Variants in PGM3 observed in about 807,000 individuals in gnomAD.
PGM3 encodes phosphoacetylglucosamine mutase.
A neutral mutation model predicts 66.2 loss-of-function variants in PGM3; 40 were observed. The ratio of observed to expected loss-of-function variants is 0.60; its 90% CI spans 0.47 to 0.79. The LOEUF is 0.79. Ranked by LOEUF, PGM3 falls within the 30% of genes least tolerant of loss-of-function variation. The pLI is 0.00. For missense variants in PGM3, 537 were observed against 643.4 expected, an observed-to-expected ratio of 0.83 and a Z score of 1.79; for synonymous variants, 191 against 224.2, an observed-to-expected ratio of 0.85 and a Z score of 1.32.
Position 83,168,872 on chromosome 6 carries a change from G to C in PGM3, c.*362C>G. ...GGGGAATGCTGCAAAACATCATCTT[G>C]CTCATGTGATGGTGATGGCAAAGAT... On this transcript the variant is annotated 3_prime_UTR_variant, in exon 13 of 13. Transcript: ENST00000513973. The C allele has an allele frequency of 4.8e-6, 5 of 1,049,572 alleles. No homozygotes were observed. The highest frequency in any genetic ancestry group is 5.8e-6 in the Non-Finnish European group (5 of 867,978). 65.0% of individuals were successfully genotyped at this position (1,049,572 alleles called of 1,614,324 possible).
intron 11 of PGM3, chr6:83,171,321 A>G (rs550925034): frequency 1.3e-5 from 2 of 152,224 alleles, no homozygotes; most frequent in African/African-American, 4.8e-5. Context: ...ATCTATTTTT[A>G]ATTTTCCATA....
chr6:83,180,969 G>A (rs1214866378), intron 6 of PGM3, among the ~76,000 whole-genome samples: 1 of 152,204 alleles, frequency 6.6e-6, no homozygotes, highest in East Asian at 1.9e-4. Flanking sequence ...TTGGTAAAGA[G>A]ATGCTAGAGA....
rs577111191 is a variant in PGM3 at position 83,172,567 on chromosome 6, G to A, written c.1243-508C>T. Among the ~76,000 whole-genome samples, 18 of 152,222 alleles carry A rather than the reference G, an allele frequency of 1.2e-4. No homozygotes were observed. In the South Asian group the frequency reaches 2.7e-3, roughly 23 times the overall value. ...CCATCTACTCGGGAGGCTGAGGCAGGAGAATTGCTTGAGCCCGGGAGGCAG... is the reference window on the plus strand; with the variant it reads ...CCATCTACTCGGGAGGCTGAGGCAGAAGAATTGCTTGAGCCCGGGAGGCAG... On this transcript the variant is annotated intron_variant, in intron 10 of 12. Transcript: ENST00000513973.
intron 11 of PGM3, among the ~76,000 whole-genome samples, 174 bp downstream of exon 11, chr6:83,171,763 A>G (rs1365316522): frequency 2.6e-5 from 4 of 152,266 alleles, no homozygotes; most frequent in Admixed American, 2.6e-4. Context: ...CTGGGATTAA[A>G]GGCATGAGCC....
At chr6:83,156,113 G>A in the PGM3 span, 6 of 1,595,390 alleles carry the variant, frequency 3.8e-6, no homozygotes, top group South Asian at 4.6e-5. Flanking sequence ...GGTAAAAAAT[G>A]AAAAACCCTT....
At chr6:83,192,768 C>A (rs985108238) in intron 1 of PGM3, among the ~76,000 whole-genome samples, 2 of 152,094 alleles carry the variant, frequency 1.3e-5, no homozygotes, top group Admixed American at 1.3e-4. Context: ...CAACTACTTT[C>A]AATGCCTCTG....
chr6:83,193,661 G>A (rs1379111790), upstream of PGM3, among the ~76,000 whole-genome samples: 1 of 152,192 alleles, frequency 6.6e-6, no homozygotes, highest in Non-Finnish European at 1.5e-5. Flanking sequence ...CTCGCCCACA[G>A]TGAGCGCCGC....
At chr6:83,160,358 G>A (rs753756883), downstream of PGM3, among the ~76,000 whole-genome samples, 3 of 152,234 alleles carry the variant, frequency 2.0e-5, no homozygotes, top group Non-Finnish European at 4.4e-5. Flanking sequence ...TGACAGCTGG[G>A]AGAGTGAAGA....
At chr6:83,151,914 G>A in the PGM3 span, 5 of 1,613,350 alleles carry the variant, frequency 3.1e-6, no homozygotes, top group Non-Finnish European at 4.2e-6. Flanking sequence ...GATGCAATTG[G>A]TGCAATTGCT....
the PGM3 span, chr6:83,151,758 T>TG: frequency 6.8e-5 from 98 of 1,450,364 alleles, no homozygotes; most frequent in Non-Finnish European, 7.6e-5. Context: ...CTTTCAACTC[T>TG]GAACATTCTA....
chr6:83,153,017 C>T, the PGM3 span, among the ~76,000 whole-genome samples: 1 of 151,846 alleles, frequency 6.6e-6, no homozygotes, highest in Admixed American at 6.6e-5. Context: ...TTTTTTATAC[C>T]CTATTATACA....
chr6:83,191,236 G>A (rs1179687309), intron 1 of PGM3: 1 of 1,535,126 alleles, frequency 6.5e-7, no homozygotes, highest in Non-Finnish European at 8.7e-7. Flanking sequence ...CAGACTCAGG[G>A]CAGATAGCAG....
rs189478416 is a variant in PGM3 at position 83,180,196 on chromosome 6, C to T, written c.788-229G>A. 5.9e-5 allele frequency among the ~76,000 whole-genome samples: 9 copies of T among 152,188 alleles called. No individual in the cohort carries two copies. The East Asian group carries it at 1.5e-3, about 26-fold the overall frequency. On this transcript the variant is annotated intron_variant, in intron 6 of 12. Coordinates refer to ENST00000513973, the MANE Select transcript of PGM3 (RefSeq NM_015599.3). ...TATGCTGATATTTGCTATAATACTA[C>T]CATAAAATTCCACTTTATAAGCAGG...
intron 2 of PGM3, 29 bp downstream of exon 2, chr6:83,190,780 C>CTT (rs1788982492): frequency 6.5e-7 from 1 of 1,535,976 alleles, no homozygotes; most frequent in South Asian, 1.1e-5. Context: ...AAATAATGGT[C>CTT]TGCTTTATCA....
intron 11 of PGM3, chr6:83,170,710 A>C: frequency 2.3e-6 from 1 of 434,248 alleles, no homozygotes; most frequent in Non-Finnish European, 4.1e-6. Flanking sequence ...TAGAGTTACC[A>C]CTAAGATAAT....
chr6:83,181,193 G>A (rs980127136), intron 6 of PGM3, among the ~76,000 whole-genome samples: 2 of 152,194 alleles, frequency 1.3e-5, no homozygotes, highest in Non-Finnish European at 2.9e-5. Context: ...GGAAAACACT[G>A]ATTGCTAACA....
At position 83,164,933 on chromosome 6, in the gene PGM3, A is replaced by C; in HGVS notation, c.*4301T>G. 2.1e-6 allele frequency: 1 copy of C among 465,600 alleles called. No individual in the cohort carries two copies. Among genetic ancestry groups the C allele is most frequent in the African/African-American group, 2.0e-5 (1 of 49,130 alleles). The allele number at this position is 465,600 out of a possible 1,614,324, so 28.8% of individuals were successfully genotyped here. On this transcript the variant is annotated 3_prime_UTR_variant, in exon 13 of 13. Coordinates refer to ENST00000513973, the MANE Select transcript of PGM3 (RefSeq NM_015599.3). ...GACAATACATATAGTTCTGATTAAG[A>C]GCATCAGAAACTCTGAATCAAGTGT... is the stretch of plus-strand genomic sequence containing the variant.
Position 83,179,950 on chromosome 6 carries a change from T to G in PGM3, c.805A>C (p.Asn269His). 1 of 1,610,524 alleles carries G rather than the reference T, an allele frequency of 6.2e-7. No homozygotes were observed. The highest frequency in any genetic ancestry group is 8.5e-7 in the Non-Finnish European group (1 of 1,177,940). ...KPPQGMEIKSNERCCSFDGDA... is the reference protein window; with the variant it reads ...KPPQGMEIKSHERCCSFDGDA... ...CCATCAAAAGAACAGCATCTTTCATTGGACTTAATTTCCATTCCTAGCACA... is the reference window on the plus strand; with the variant it reads ...CCATCAAAAGAACAGCATCTTTCATGGGACTTAATTTCCATTCCTAGCACA... Residue 269 changes from asparagine (N) to histidine (H), a missense_variant, in exon 7 of 13, where the codon AAT becomes CAT. Coordinates refer to ENST00000513973, the MANE Select transcript of PGM3 (RefSeq NM_015599.3).
chr6:83,173,015 AACC>A (rs1554257224), intron 10 of PGM3, among the ~76,000 whole-genome samples: 1 of 152,186 alleles, frequency 6.6e-6, no homozygotes, highest in Non-Finnish European at 1.5e-5. Context: ...TATTCTATAA[AACC>A]ACCTTTAATC....
Sources: gnomAD v4.1 joint callset for allele counts (sites outside exome capture counted in the v4.1 genomes callset) on GRCh38, gnomAD v4.1.1 for gene constraint, MANE v1.5 for transcripts, NCBI Gene and HGNC (gene_info 2026-07-23, HGNC 2026-07-21) for gene names.